The following CR1 variants were observed in gnomAD, a reference collection of about 807,000 sequenced individuals.
CR1 encodes the protein complement receptor type 1.
A neutral mutation model predicts 187.3 loss-of-function variants in CR1; 116 were observed. The ratio of observed to expected loss-of-function variants is 0.62; its 90% CI spans 0.53 to 0.72. The LOEUF (loss-of-function observed/expected upper bound fraction) is 0.72, where lower values mean the gene tolerates loss of function less well. CR1 is among the 30% of genes least tolerant of loss of function. CR1 has a pLI of 0.00. For missense variants in CR1, 1,731 were observed against 2,110.7 expected, an observed-to-expected ratio of 0.82 and a Z score of 3.52; for synonymous variants, 576 against 747.1, an observed-to-expected ratio of 0.77 and a Z score of 3.73.
At chr1:207,596,146 A>G (rs1463199856) in intron 35 of CR1, among the ~76,000 whole-genome samples, 1 of 151,148 alleles carries the variant, frequency 6.6e-6, no homozygotes, top group Non-Finnish European at 1.5e-5. Flanking sequence ...ATAAAACAAA[A>G]GAGGGGTGAG....
At position 207,639,640 on chromosome 1, in the gene CR1, A is replaced by G; in HGVS notation, c.*231A>G. 2.0e-6 allele frequency: 1 copy of G among 495,374 alleles called. No individual in the cohort carries two copies. Among genetic ancestry groups the G allele is most frequent in the Non-Finnish European group, 3.6e-6 (1 of 277,080 alleles). 30.7% of individuals were successfully genotyped at this position (495,374 alleles called of 1,614,324 possible). A position where few individuals can be genotyped will look rare whatever the true frequency, so the allele number is the denominator to read the frequency against. ...CCCTTCTGCCTCGTGCTAAACGCACACAGTATCTAGTCAGGGGAAAAGACT... is the reference window on the plus strand; with the variant it reads ...CCCTTCTGCCTCGTGCTAAACGCACGCAGTATCTAGTCAGGGGAAAAGACT... On this transcript the variant is annotated 3_prime_UTR_variant, in exon 47 of 47. Coordinates refer to ENST00000367049, the MANE Select transcript of CR1 (RefSeq NM_000651.6).
intron 3 of CR1, among the ~76,000 whole-genome samples, chr1:207,508,495 T>G (rs55727298): frequency 6.6e-6 from 1 of 152,218 alleles, no homozygotes; most frequent in Non-Finnish European, 1.5e-5. Context: ...TGCATAGACA[T>G]AAATACATGG....
At chr1:207,578,321 T>G in intron 29 of CR1, 118 bp downstream of exon 29, 1 of 1,577,488 alleles carries the variant, frequency 6.3e-7, no homozygotes, top group South Asian at 1.1e-5. Flanking sequence ...AAAGTAAGTT[T>G]TGGGGGAAGA....
chr1:207,636,813 C>T (rs1662829092), intron 46 of CR1, among the ~76,000 whole-genome samples: 1 of 152,210 alleles, frequency 6.6e-6, no homozygotes, highest in Non-Finnish European at 1.5e-5. Flanking sequence ...GGTCCATGGA[C>T]ATAGAAATCC....
At chr1:207,609,815 C>A in intron 37 of CR1, 127 bp downstream of exon 37, 2 of 903,688 alleles carry the variant, frequency 2.2e-6, no homozygotes, top group Non-Finnish European at 3.1e-6. Context: ...GCTTCACTGT[C>A]TGTTATCTCT....
chr1:207,591,528 C>T (rs999659794), intron 35 of CR1, among the ~76,000 whole-genome samples: 6 of 151,990 alleles, frequency 3.9e-5, no homozygotes, highest in South Asian at 2.1e-4. Flanking sequence ...GCCCTGACAT[C>T]GCAATTAAAG....
intron 40 of CR1, among the ~76,000 whole-genome samples, chr1:207,615,137 A>G (rs1238663874): frequency 2.0e-5 from 3 of 152,142 alleles, no homozygotes; most frequent in Admixed American, 1.3e-4. Context: ...ATCCCCTCGC[A>G]TATCATAAAC....
chr1:207,501,003 A>G (rs1336061865), intron 1 of CR1, among the ~76,000 whole-genome samples: 2 of 143,050 alleles, frequency 1.4e-5, no homozygotes, highest in Non-Finnish European at 3.0e-5. Flanking sequence ...TGAAGGCTAA[A>G]CCATAAAAAA....
intron 1 of CR1, among the ~76,000 whole-genome samples, chr1:207,499,919 C>T (rs868168729): frequency 6.6e-6 from 1 of 151,978 alleles, no homozygotes; most frequent in African/African-American, 2.4e-5. Context: ...GGTGAAGATC[C>T]CAGTAATAAA....
Position 207,584,659 on chromosome 1 carries a change from T to C in CR1, c.5313T>C (p.Cys1771=). 3 of 1,613,612 alleles carry C rather than the reference T, an allele frequency of 1.9e-6. No homozygotes were observed. The highest frequency in any genetic ancestry group is 1.1e-5 in the South Asian group (1 of 91,064). The change falls in exon 33 of 47, where the codon TGT becomes TGC. Residue 1771 remains cysteine (C), a synonymous_variant. Transcript: ENST00000367049. ...TTGTTTTCTTTCTAGATATCTTTTG[T>C]CCAAATCCTCCAGCTATCCTTAATG... ...NSVPVCEHIF[C]PNPPAILNGR...
chr1:207,618,278 G>T, intron 42 of CR1, 31 bp downstream of exon 42: 1 of 1,601,980 alleles, frequency 6.2e-7, no homozygotes, highest in Non-Finnish European at 8.5e-7. Flanking sequence ...CCTTATTCTT[G>T]CTGGGTTGTA....
chr1:207,523,991 C>G lies in CR1; in HGVS notation c.868C>G (p.Leu290Val), dbSNP rs1485631822. Reference protein sequence around the residue: ...CQALNKWEPELPSCSRVCQPP... With the variant: ...CQALNKWEPEVPSCSRVCQPP... ...GGCCCTGAACAAATGGGAGCCGGAG[C>G]TACCAAGCTGCTCCAGGGGTGAGTC... Residue 290 changes from leucine (L) to valine (V), a missense_variant, in exon 5 of 47, where the codon CTA becomes GTA. Leu to Val is a conservative substitution (Grantham distance 32, BLOSUM62 1). Transcript: ENST00000367049. 1.2e-6 allele frequency: 2 copies of G among 1,611,776 alleles called. No individual in the cohort carries two copies. Among genetic ancestry groups the G allele is most frequent in the Non-Finnish European group, 1.7e-6 (2 of 1,179,724 alleles).
intron 39 of CR1, among the ~76,000 whole-genome samples, chr1:207,612,978 C>T (rs1661979172): frequency 6.6e-6 from 1 of 152,212 alleles, no homozygotes; most frequent in Non-Finnish European, 1.5e-5. Flanking sequence ...ATCCTGTCGC[C>T]CCACATCTCC....
chr1:207,511,735 T>A (rs1659625471), intron 4 of CR1, 81 bp downstream of exon 4: 5 of 1,360,758 alleles, frequency 3.7e-6, no homozygotes, highest in Non-Finnish European at 5.2e-6. Flanking sequence ...TTAACTGAAT[T>A]CCTTCTGTGC....
chr1:207,634,718 G>A (rs1049683760), intron 46 of CR1, among the ~76,000 whole-genome samples: 14 of 152,296 alleles, frequency 9.2e-5, no homozygotes, highest in Middle Eastern at 3.4e-3. Context: ...GGGGAAGCAC[G>A]TGGATACCTT....
intron 23 of CR1, 52 bp downstream of exon 23, chr1:207,564,286 C>T (rs1660417259): frequency 6.3e-7 from 1 of 1,593,942 alleles, no homozygotes; most frequent in African/African-American, 1.6e-5. Flanking sequence ...GGTTGGGAAT[C>T]AGTCTAAAAA....
intron 4 of CR1, among the ~76,000 whole-genome samples, chr1:207,519,596 T>C (rs1256216006): frequency 6.6e-6 from 1 of 152,150 alleles, no homozygotes; most frequent in Admixed American, 6.5e-5. Context: ...ATTTATGTCC[T>C]CCCCCTCTTT....
chr1:207,505,345 G>A (rs534077981), intron 1 of CR1, among the ~76,000 whole-genome samples: 23 of 151,424 alleles, frequency 1.5e-4, no homozygotes, highest in African/African-American at 5.6e-4. Context: ...TTGTATTTTG[G>A]GAGAGGCAGT....
intron 42 of CR1, 59 bp downstream of exon 42, chr1:207,618,306 G>GT: frequency 4.0e-6 from 6 of 1,499,106 alleles, no homozygotes; most frequent in Non-Finnish European, 4.6e-6. Flanking sequence ...CATGAGGCTT[G>GT]TAAGGCTGAG....
Sources: gnomAD v4.1 joint callset for allele counts (sites outside exome capture counted in the v4.1 genomes callset) on GRCh38, gnomAD v4.1.1 for gene constraint, MANE v1.5 for transcripts, NCBI Gene and HGNC (gene_info 2026-07-23, HGNC 2026-07-21) for gene names.